The following PPP2R2C variants were observed in gnomAD, a reference collection of about 807,000 sequenced individuals.
PPP2R2C encodes protein phosphatase 2 regulatory subunit Bgamma.
Under a neutral mutation model 45.3 loss-of-function variants are expected in PPP2R2C, and 10 were observed. The ratio of observed to expected loss-of-function variants is 0.22; its 90% CI spans 0.14 to 0.37. PPP2R2C has a LOEUF of 0.37. PPP2R2C is among the 10% of genes least tolerant of loss of function. The pLI, the probability that PPP2R2C is intolerant of heterozygous loss-of-function variation, is 1.00. For missense variants in PPP2R2C, 308 were observed against 619.7 expected (o/e 0.50, Z 5.34); for synonymous variants, 257 against 245.4 (o/e 1.05, Z -0.44).
chr4:6,500,915 C>T lies in PPP2R2C; in HGVS notation c.49+34356G>A, dbSNP rs149698128. On this transcript the variant is annotated intron_variant, in intron 2 of 9. Coordinates refer to the PPP2R2C transcript ENST00000506140. ...AGTGGCCACATTAACCACAGGGCTG[C>T]GAAGCCGTCGCACGGCACACATCCA... Among the ~76,000 whole-genome samples the T allele has an allele frequency of 2.6e-3, 397 of 152,302 alleles. 7 individuals carry two copies. Among genetic ancestry groups the T allele is most frequent in the African/African-American group, 9.0e-3 (376 of 41,568 alleles).
At chr4:6,335,669 C>T (rs906873868) in intron 6 of PPP2R2C, among the ~76,000 whole-genome samples, 7 of 151,538 alleles carry the variant, frequency 4.6e-5, no homozygotes, top group Non-Finnish European at 8.8e-5. Context: ...TTCCAGCACC[C>T]GGTGGGCCAG....
chr4:6,522,410 C>A (rs896797907), intron 2 of PPP2R2C, among the ~76,000 whole-genome samples: 1 of 152,238 alleles, frequency 6.6e-6, no homozygotes, highest in South Asian at 2.1e-4. Context: ...TGTGCCCCCC[C>A]AGACCCCACA....
chr4:6,456,846 C>A (rs867385962), intron 1 of PPP2R2C, among the ~76,000 whole-genome samples: 2 of 152,204 alleles, frequency 1.3e-5, no homozygotes, highest in Non-Finnish European at 2.9e-5. Context: ...AGGGCCCATG[C>A]GGTGACCACT....
rs377362939 is a variant in PPP2R2C at position 6,431,453 on chromosome 4, G to A, written c.70+40707C>T. Among the ~76,000 whole-genome samples the A allele has an allele frequency of 7.9e-5, 12 of 152,296 alleles. No homozygotes were observed. In the East Asian group the frequency reaches 1.2e-3, roughly 15 times the overall value. Reference sequence around the variant, plus strand: ...AGAAAGCTGCTCAGGCTGAGACTACGGTCCCCAGAAGTCTGGAGAGCCCAG... The same window carrying A: ...AGAAAGCTGCTCAGGCTGAGACTACAGTCCCCAGAAGTCTGGAGAGCCCAG... On this transcript the variant is annotated intron_variant, in intron 1 of 8. Coordinates refer to ENST00000382599, the MANE Select transcript of PPP2R2C (RefSeq NM_020416.4).
intron 2 of PPP2R2C, among the ~76,000 whole-genome samples, chr4:6,506,943 T>C (rs577128516): frequency 2.1e-4 from 32 of 152,156 alleles, no homozygotes; most frequent in Non-Finnish European, 4.3e-4. Flanking sequence ...ATGAGCATCT[T>C]AAGAGCAAAC....
At chr4:6,528,328 C>G (rs564242331) in intron 2 of PPP2R2C, among the ~76,000 whole-genome samples, 1 of 152,332 alleles carries the variant, frequency 6.6e-6, no homozygotes, top group South Asian at 2.1e-4. Context: ...ATGTCCTGAA[C>G]AGGGGCTTCC....
At position 6,381,329 on chromosome 4, in the gene PPP2R2C, C is replaced by A. The variant is rs1715779417; in HGVS notation, c.71-235G>T. ...GCAGGGCAGAGATCTCGGGACTTGG[C>A]ACAGGCCTGGGGCGACCACAGTGGC... On this transcript the variant is annotated intron_variant, in intron 1 of 8. Coordinates refer to ENST00000382599, the MANE Select transcript of PPP2R2C (RefSeq NM_020416.4). The A allele has an allele frequency of 3.3e-6, 5 of 1,515,894 alleles. No homozygotes were observed. In the East Asian group the frequency reaches 1.3e-4, roughly 39 times the overall value. 93.9% of individuals were successfully genotyped at this position (1,515,894 alleles called of 1,614,324 possible).
intron 6 of PPP2R2C, among the ~76,000 whole-genome samples, chr4:6,343,675 G>A (rs545933691): frequency 6.0e-4 from 92 of 152,200 alleles, no homozygotes; most frequent in African/African-American, 2.1e-3. Flanking sequence ...AGCCAAGATC[G>A]TGTCAGGGTG....
chr4:6,526,584 G>A (rs1724216794), intron 2 of PPP2R2C, among the ~76,000 whole-genome samples: 1 of 152,190 alleles, frequency 6.6e-6, no homozygotes, highest in Non-Finnish European at 1.5e-5. Flanking sequence ...GCTCCATGTT[G>A]AGGGCACCCT....
rs886550409 is a variant in PPP2R2C, at chr4:6,329,902, C to T, written c.961-549G>A. On this transcript the variant is annotated intron_variant, in intron 7 of 8. Transcript: ENST00000382599. This position sits in a 1 kb window ranked among gnomAD's most constrained non-coding sequence, Gnocchi z 5.8. ...CTTCAAACTTAAAGTGATAAGAGGG[C>T]GAACCTCACAGTGGTTCTGGCATTA... is the stretch of plus-strand genomic sequence containing the variant. 3.9e-5 allele frequency among the ~76,000 whole-genome samples: 6 copies of T among 152,114 alleles called. No individual in the cohort carries two copies. The highest frequency in any genetic ancestry group is 8.8e-5 in the Non-Finnish European group (6 of 68,022).
chr4:6,375,930 A>G lies in PPP2R2C; in HGVS notation c.336T>C (p.Asp112=). ...TAATCTTCCATAATTTGATAGTTTT[A>G]TCTTTAAAAACAGAACAAAATAAAG... is the stretch of plus-strand genomic sequence containing the variant. The part of the protein sequence containing the change: ...NAAHSLLSTN[D]KTIKLWKITE... The change falls in exon 4 of 9, where the codon GAT becomes GAC. Residue 112 remains aspartate (D), a splice_region_variant and synonymous_variant. Transcript: ENST00000382599. The G allele has an allele frequency of 6.2e-7, 1 of 1,609,096 alleles. No individual in the cohort carries two copies.
intron 1 of PPP2R2C, among the ~76,000 whole-genome samples, chr4:6,561,155 C>T (rs1036773243): frequency 6.6e-6 from 1 of 152,200 alleles, no homozygotes; most frequent in African/African-American, 2.4e-5. Flanking sequence ...TGTGGGGTAC[C>T]TGTCTGCCAT....
chr4:6,487,182 A>G (rs1722556450), intron 2 of PPP2R2C, among the ~76,000 whole-genome samples: 3 of 152,030 alleles, frequency 2.0e-5, no homozygotes, highest in Admixed American at 2.0e-4. Context: ...GTTTACTTTT[A>G]TATATGTTAT....
chr4:6,512,230 GTGA>G (rs1723619675), intron 2 of PPP2R2C, among the ~76,000 whole-genome samples: 1 of 93,674 alleles, frequency 1.1e-5, no homozygotes, highest in African/African-American at 4.2e-5. Context: ...GTTGGTGGTG[GTGA>G]TGGTGGGGGT....
Position 6,471,453 on chromosome 4 carries a change from TG to T in PPP2R2C, c.70+706del, listed in dbSNP as rs1487758761. On this transcript the variant is annotated intron_variant, in intron 1 of 8. Transcript: ENST00000382599. This position sits in a 1 kb window ranked among gnomAD's most constrained non-coding sequence, Gnocchi z 5.6. ...GTAGGGTGGGGGTGGGGGTTGGGCT[TG>T]TAGGGCCAACTTAGGGGATTTTAAA... The T allele has an allele frequency of 2.6e-5, 4 of 152,060 alleles. No homozygotes were observed. Among genetic ancestry groups the T allele is most frequent in the Non-Finnish European group, 5.9e-5 (4 of 68,016 alleles). 9.4% of individuals were successfully genotyped at this position (152,060 alleles called of 1,614,324 possible).
At chr4:6,434,636 G>A (rs1560545052) in intron 1 of PPP2R2C, among the ~76,000 whole-genome samples, 1 of 152,106 alleles carries the variant, frequency 6.6e-6, no homozygotes, top group Non-Finnish European at 1.5e-5. Context: ...TGGGATTACA[G>A]GCATGAGCCA....
At chr4:6,532,100 G>T (rs996690077) in intron 2 of PPP2R2C, among the ~76,000 whole-genome samples, 1 of 152,314 alleles carries the variant, frequency 6.6e-6, no homozygotes, top group East Asian at 1.9e-4. Context: ...TGTGTCACCA[G>T]GTCACCCTCT....
At chr4:6,360,824 G>A (rs546747262) in intron 5 of PPP2R2C, among the ~76,000 whole-genome samples, 79 of 152,240 alleles carry the variant, frequency 5.2e-4, no homozygotes, top group African/African-American at 1.7e-3. Flanking sequence ...ATGGAGGTCC[G>A]AAGTCCAATA....
intron 2 of PPP2R2C, among the ~76,000 whole-genome samples, chr4:6,489,028 C>T (rs1233240178): frequency 1.3e-5 from 2 of 152,170 alleles, no homozygotes; most frequent in African/African-American, 4.8e-5. Flanking sequence ...TCTTTCTTTG[C>T]AGCTCTCTCC....
Sources: gnomAD v4.1 joint callset for allele counts (sites outside exome capture counted in the v4.1 genomes callset) on GRCh38, gnomAD v4.1.1 for gene constraint, Gnocchi (gnomAD v3.1) non-coding constraint, MANE v1.5 for transcripts, NCBI Gene and HGNC (gene_info 2026-07-23, HGNC 2026-07-21) for gene names.